AGAP1: variants seen among roughly 807,000 people sequenced by gnomAD.
The protein encoded by AGAP1 is ArfGAP with GTPase domain, ankyrin repeat and PH domain 1.
A neutral mutation model predicts 105.3 loss-of-function variants in AGAP1; 29 were observed. The ratio of observed to expected loss-of-function variants is 0.28; its 90% confidence interval spans 0.21 to 0.38. The LOEUF is 0.38. Among genes scored for constraint, AGAP1 ranks in the 10% least tolerant of loss-of-function variants. The pLI is 1.00. For synonymous variants in AGAP1, 509 were observed against 485.9 expected (o/e 1.05, Z -0.63); for missense variants, 998 against 1,165.1 (o/e 0.86, Z 2.09).
At chr2:235,658,002 C>T (rs897423304) in intron 1 of AGAP1, among the ~76,000 whole-genome samples, 3 of 152,172 alleles carry the variant, frequency 2.0e-5, no homozygotes, top group African/African-American at 4.8e-5. Flanking sequence ...GTGCTGATCT[C>T]GGCCTTCTAG....
intron 12 of AGAP1, among the ~76,000 whole-genome samples, chr2:235,966,507 A>G (rs1467356813): frequency 1.3e-5 from 2 of 152,098 alleles, no homozygotes; most frequent in South Asian, 2.1e-4. Flanking sequence ...CTCTGCATCT[A>G]AGGATGTGCG....
intron 6 of AGAP1, among the ~76,000 whole-genome samples, chr2:235,766,301 T>C (rs1455338149): frequency 6.6e-6 from 1 of 152,162 alleles, no homozygotes; most frequent in African/African-American, 2.4e-5. Flanking sequence ...TAACAGGACA[T>C]TGGGTCTGTG....
In AGAP1 at chr2:235,610,954, G is replaced by A. The variant is rs1482961841; in HGVS notation, c.164-98225G>A. On this transcript the variant is annotated intron_variant, in intron 1 of 17. Coordinates refer to ENST00000304032, the MANE Select transcript of AGAP1 (RefSeq NM_001037131.3). This position sits in a 1 kb window ranked among gnomAD's most constrained non-coding sequence, Gnocchi z 4.9. Reference sequence around the variant, plus strand: ...CCTCTGAAGAGCGGCCCAGTAGGATGGTTGACTGACGTTAGCTTGGCTTTC... The same window carrying A: ...CCTCTGAAGAGCGGCCCAGTAGGATAGTTGACTGACGTTAGCTTGGCTTTC... Among the ~76,000 whole-genome samples the A allele has an allele frequency of 6.6e-6, 1 of 151,986 alleles. No homozygotes were observed. Among genetic ancestry groups the A allele is most frequent in the Admixed American group, 6.6e-5 (1 of 15,254 alleles).
At chr2:236,016,956 A>G (rs1412627385) in intron 13 of AGAP1, among the ~76,000 whole-genome samples, 1 of 152,164 alleles carries the variant, frequency 6.6e-6, no homozygotes, top group African/African-American at 2.4e-5. Flanking sequence ...TAACATGTGT[A>G]CACATACAAT....
Position 235,732,779 on chromosome 2 carries a change from G to A in AGAP1, c.311-8184G>A, listed in dbSNP as rs112465206. On this transcript the variant is annotated intron_variant, in intron 3 of 17. Coordinates refer to ENST00000304032, the MANE Select transcript of AGAP1 (RefSeq NM_001037131.3). The surrounding 1 kb of genome is among the most constrained non-coding windows in gnomAD (Gnocchi z 4.8). ...GTCAAATCTAGGCTGTTGGGAGCCC[G>A]TGACCGCCCTGCTTCCTGTGGTGGG... is the stretch of plus-strand genomic sequence containing the variant. Among the ~76,000 whole-genome samples, 19 of 152,262 alleles carry A rather than the reference G, an allele frequency of 1.2e-4. No individual in the cohort carries two copies. The highest frequency in any genetic ancestry group is 4.1e-4 in the South Asian group (2 of 4,826).
rs1302526738 is a variant in AGAP1, at chr2:235,517,141, T to C, written c.163+22292T>C. On this transcript the variant is annotated intron_variant, in intron 1 of 17. Transcript: ENST00000304032. This position sits in a 1 kb window ranked among gnomAD's most constrained non-coding sequence, Gnocchi z 4.1. ...ACTGGCAGGTTTGGCTTCTTCCCAT[T>C]CTGTGCCTCACCTGGTCTTTTCCGT... 6.6e-6 allele frequency among the ~76,000 whole-genome samples: 1 copy of C among 152,206 alleles called. No homozygotes were observed. Among genetic ancestry groups the C allele is most frequent in the Non-Finnish European group, 1.5e-5 (1 of 68,028 alleles).
Position 235,559,449 on chromosome 2 carries a change from C to T in AGAP1, c.163+64600C>T, listed in dbSNP as rs954834142. On this transcript the variant is annotated intron_variant, in intron 1 of 17. Transcript: ENST00000304032. This position sits in a 1 kb window ranked among gnomAD's most constrained non-coding sequence, Gnocchi z 5.7. ...GCCAGTGATTGATTGACGTTAGTGT[C>T]GGTATCTCTCATTGCGAACATTCTT... Among the ~76,000 whole-genome samples, 4 of 152,226 alleles carry T rather than the reference C, an allele frequency of 2.6e-5. No homozygotes were observed. The highest frequency in any genetic ancestry group is 3.9e-4 in the East Asian group (2 of 5,182).
At chr2:235,545,772 C>G (rs1181698859) in intron 1 of AGAP1, among the ~76,000 whole-genome samples, 1 of 152,212 alleles carries the variant, frequency 6.6e-6, no homozygotes, top group African/African-American at 2.4e-5. Flanking sequence ...TTGCTTTATG[C>G]TGGACAGAGC....
chr2:235,566,846 T>C lies in AGAP1; in HGVS notation c.163+71997T>C, dbSNP rs942513828. 6.6e-6 allele frequency among the ~76,000 whole-genome samples: 1 copy of C among 152,204 alleles called. No homozygotes were observed. The highest frequency in any genetic ancestry group is 1.5e-5 in the Non-Finnish European group (1 of 68,038). Reference sequence around the variant, plus strand: ...ACAACAGAACATCATTCTTTTACAGTTCTGGAGGCCTGAAGCCCAGGATCA... The same window carrying C: ...ACAACAGAACATCATTCTTTTACAGCTCTGGAGGCCTGAAGCCCAGGATCA... On this transcript the variant is annotated intron_variant, in intron 1 of 17. Coordinates refer to ENST00000304032, the MANE Select transcript of AGAP1 (RefSeq NM_001037131.3). This position sits in a 1 kb window ranked among gnomAD's most constrained non-coding sequence, Gnocchi z 5.2.
chr2:235,769,758 C>G lies in AGAP1; in HGVS notation c.673+19270C>G, dbSNP rs1955268638. Among the ~76,000 whole-genome samples the G allele has an allele frequency of 6.6e-6, 1 of 152,032 alleles. No homozygotes were observed. ...CTCCAGGTGCCGCCTCTCACCTGGT[C>G]CTGGATCATGGGGGAGGCACAGGCG... is the stretch of plus-strand genomic sequence containing the variant. On this transcript the variant is annotated intron_variant, in intron 6 of 17. Coordinates refer to ENST00000304032, the MANE Select transcript of AGAP1 (RefSeq NM_001037131.3). The surrounding 1 kb of genome is among the most constrained non-coding windows in gnomAD (Gnocchi z 4.4).
At position 236,073,746 on chromosome 2, in the gene AGAP1, G is replaced by A. The variant is rs1027335253; in HGVS notation, c.2114+24465G>A. On this transcript the variant is annotated intron_variant, in intron 16 of 17. Coordinates refer to ENST00000304032, the MANE Select transcript of AGAP1 (RefSeq NM_001037131.3). This position sits in a 1 kb window ranked among gnomAD's most constrained non-coding sequence, Gnocchi z 5.4. ...ACTTGTAACTTCATTGGTGGTGGGG[G>A]TACAGGCAGGTCAGCTTGTTCACAT... 6.6e-6 allele frequency among the ~76,000 whole-genome samples: 1 copy of A among 152,176 alleles called. No individual in the cohort carries two copies. The highest frequency in any genetic ancestry group is 2.4e-5 in the African/African-American group (1 of 41,438).
At chr2:235,756,075 G>A (rs941495634) in intron 6 of AGAP1, among the ~76,000 whole-genome samples, 3 of 152,178 alleles carry the variant, frequency 2.0e-5, no homozygotes, top group African/African-American at 7.2e-5. Context: ...AGTGGAGAGC[G>A]GGCTCTGCCT....
intron 1 of AGAP1, among the ~76,000 whole-genome samples, chr2:235,649,012 A>T (rs184497286): frequency 6.6e-6 from 1 of 152,184 alleles, no homozygotes; most frequent in African/African-American, 2.4e-5. Flanking sequence ...GGGACTCGGA[A>T]CAGGGTTTAG....
intron 3 of AGAP1, among the ~76,000 whole-genome samples, chr2:235,726,391 T>TA (rs1275015822): frequency 1.3e-5 from 2 of 152,224 alleles, no homozygotes; most frequent in East Asian, 3.8e-4. Context: ...AAACCGTTCT[T>TA]TAAGAGGAAA....
Position 235,883,325 on chromosome 2 carries a change from T to G in AGAP1, c.1051-20T>G. On this transcript the variant is annotated intron_variant, in intron 9 of 17. Coordinates refer to ENST00000304032, the MANE Select transcript of AGAP1 (RefSeq NM_001037131.3). The surrounding 1 kb of genome is among the most constrained non-coding windows in gnomAD (Gnocchi z 4.5). The stretch of plus-strand genomic sequence containing the variant: ...TTTTATTTACATTAGAATTTCTATT[T>G]GGCTCTTTTTCCCTTGTAGGGCATG... 6.2e-7 allele frequency: 1 copy of G among 1,605,596 alleles called. No individual in the cohort carries two copies. Among genetic ancestry groups the G allele is most frequent in the Non-Finnish European group, 8.5e-7 (1 of 1,174,114 alleles).
intron 9 of AGAP1, among the ~76,000 whole-genome samples, chr2:235,829,421 C>T (rs972584715): frequency 6.6e-6 from 1 of 152,158 alleles, no homozygotes; most frequent in African/African-American, 2.4e-5. Flanking sequence ...TGTTAATAAC[C>T]AGGTTCTAAC....
intron 9 of AGAP1, among the ~76,000 whole-genome samples, chr2:235,841,678 T>TA (rs1451260331): frequency 1.3e-5 from 2 of 152,194 alleles, no homozygotes; most frequent in African/African-American, 4.8e-5. Flanking sequence ...CATAAATAAT[T>TA]ACCTGTATTT....
intron 6 of AGAP1, among the ~76,000 whole-genome samples, chr2:235,773,603 C>G (rs1955628552): frequency 6.6e-6 from 1 of 152,122 alleles, no homozygotes; most frequent in Non-Finnish European, 1.5e-5. Context: ...CGTGAATCGG[C>G]CTTAGGTTCC....
Position 235,720,853 on chromosome 2 carries a change from G to T in AGAP1, c.310+3209G>T, listed in dbSNP as rs986385175. On this transcript the variant is annotated intron_variant, in intron 3 of 17. Transcript: ENST00000304032. The surrounding 1 kb of genome is among the most constrained non-coding windows in gnomAD (Gnocchi z 5.0). ...CATTTCTGGTGCAGAGCCGTCTCCA[G>T]ATCCAAGCCTGCTTTTCCTCAGATA... 30 of 304,848 alleles carry T rather than the reference G, an allele frequency of 9.8e-5. 1 individual carries two copies. The South Asian group carries it at 2.6e-3, about 27-fold the overall frequency. 18.9% of individuals were successfully genotyped at this position (304,848 alleles called of 1,614,324 possible). A position where few individuals can be genotyped will look rare whatever the true frequency, so the allele number is the denominator to read the frequency against.
Sources: allele counts gnomAD v4.1 joint callset (sites outside exome capture counted in the v4.1 genomes callset), GRCh38; gene constraint gnomAD v4.1.1; non-coding constraint Gnocchi (gnomAD v3.1); transcripts MANE v1.5; gene names NCBI Gene and HGNC (gene_info 2026-07-23, HGNC 2026-07-21).